MEI4: variants seen among roughly 807,000 people sequenced by gnomAD.
MEI4 encodes the protein meiosis-specific protein MEI4.
MEI4 carries 27 observed loss-of-function variants against 31.4 expected under a neutral mutation model. The ratio of observed to expected loss-of-function variants is 0.86; its 90% CI spans 0.63 to 1.19. The LOEUF (loss-of-function observed/expected upper bound fraction) is 1.19, where lower values mean the gene tolerates loss of function less well. Among genes scored for constraint, MEI4 ranks in the 50% most tolerant of loss-of-function variants. MEI4 has a pLI of 0.00. For missense variants in MEI4, 329 were observed against 398.9 expected (o/e 0.82, Z 1.49); for synonymous variants, 122 against 145.4 (o/e 0.84, Z 1.16).
intron 4 of MEI4, among the ~76,000 whole-genome samples, chr6:77,867,570 G>A (rs1000579561): frequency 1.3e-5 from 2 of 152,184 alleles, no homozygotes; most frequent in African/African-American, 4.8e-5. Flanking sequence ...GGAAACAACA[G>A]GTGCTGGAGA....
chr6:77,914,204 C>T (rs1456128086), intron 4 of MEI4, among the ~76,000 whole-genome samples: 1 of 151,494 alleles, frequency 6.6e-6, no homozygotes, highest in Non-Finnish European at 1.5e-5. Flanking sequence ...TGTTTGAAAT[C>T]TTTCTACCTT....
chr6:77,743,993 AG>A (rs1310710200), intron 2 of MEI4, among the ~76,000 whole-genome samples: 1 of 152,190 alleles, frequency 6.6e-6, no homozygotes, highest in Non-Finnish European at 1.5e-5. Flanking sequence ...AAAGACCAAA[AG>A]TAGATAAAAC....
At chr6:77,779,131 A>G (rs1768530519) in intron 3 of MEI4, among the ~76,000 whole-genome samples, 1 of 152,206 alleles carries the variant, frequency 6.6e-6, no homozygotes, top group Non-Finnish European at 1.5e-5. Flanking sequence ...TACTGAGCCC[A>G]GAGGAGTGCC....
At chr6:77,919,133 C>G (rs1766639199) in intron 4 of MEI4, among the ~76,000 whole-genome samples, 1 of 152,006 alleles carries the variant, frequency 6.6e-6, no homozygotes, top group Non-Finnish European at 1.5e-5. Context: ...GAACTCAGTT[C>G]TGCACCAAGC....
intron 3 of MEI4, among the ~76,000 whole-genome samples, chr6:77,803,423 T>C (rs1769331375): frequency 6.6e-6 from 1 of 152,180 alleles, no homozygotes. Flanking sequence ...TTGAACTTCC[T>C]CCTTTAGCTC....
chr6:77,700,283 C>T (rs1271461910), intron 2 of MEI4, among the ~76,000 whole-genome samples: 1 of 152,168 alleles, frequency 6.6e-6, no homozygotes, highest in Non-Finnish European at 1.5e-5. Flanking sequence ...CCTAATCAAG[C>T]CTGGGCAGTG....
intron 4 of MEI4, among the ~76,000 whole-genome samples, chr6:77,864,443 A>T (rs1297881742): frequency 6.6e-6 from 1 of 152,180 alleles, no homozygotes; most frequent in East Asian, 1.9e-4. Flanking sequence ...AGTCTCTGAT[A>T]AAACAGACTT....
intron 2 of MEI4, among the ~76,000 whole-genome samples, chr6:77,730,924 A>C (rs2127667313): frequency 6.6e-6 from 1 of 151,760 alleles, no homozygotes; most frequent in Admixed American, 6.6e-5. Context: ...GCTGATTTCC[A>C]ATTTCATCCA....
intron 4 of MEI4, among the ~76,000 whole-genome samples, chr6:77,861,376 G>A (rs1389110370): frequency 6.6e-6 from 1 of 152,182 alleles, no homozygotes; most frequent in Admixed American, 6.5e-5. Flanking sequence ...TCATTGAAAG[G>A]CTTTGTTTTT....
At chr6:77,684,781 A>G (rs1301097727) in intron 1 of MEI4, among the ~76,000 whole-genome samples, 1 of 152,136 alleles carries the variant, frequency 6.6e-6, no homozygotes, top group Non-Finnish European at 1.5e-5. Flanking sequence ...TTGTTTCCAA[A>G]TCTTAGTTAT....
intron 4 of MEI4, among the ~76,000 whole-genome samples, chr6:77,897,944 G>A (rs1364613374): frequency 1.3e-5 from 2 of 152,006 alleles, no homozygotes; most frequent in African/African-American, 4.8e-5. Flanking sequence ...GGGAGAGAGA[G>A]AGAATATAAC....
Position 77,833,331 on chromosome 6 carries a change from G to A in MEI4, c.900+4269G>A, listed in dbSNP as rs146996734. ...TGTTTAGTTATTCAAAAATCTGTGG[G>A]CAGAATATCTCTATAAAAAGCAATA... is the stretch of plus-strand genomic sequence containing the variant. On this transcript the variant is annotated intron_variant, in intron 4 of 4. Coordinates refer to ENST00000684080, the MANE Select transcript of MEI4 (RefSeq NM_001322247.2). 6.6e-5 allele frequency among the ~76,000 whole-genome samples: 10 copies of A among 152,082 alleles called. No individual in the cohort carries two copies. The East Asian group carries it at 1.9e-3, about 29-fold the overall frequency.
At chr6:77,920,176 G>T (rs1434648761) in intron 4 of MEI4, among the ~76,000 whole-genome samples, 1 of 151,414 alleles carries the variant, frequency 6.6e-6, no homozygotes, top group Non-Finnish European at 1.5e-5. Context: ...TGATACCAAA[G>T]CCTGGCAGAG....
chr6:77,849,213 G>A (rs889540691), intron 4 of MEI4, among the ~76,000 whole-genome samples: 2 of 152,150 alleles, frequency 1.3e-5, no homozygotes, highest in Admixed American at 6.5e-5. Context: ...AATATATTCA[G>A]ATTTATAAAT....
At chr6:77,703,800 G>A (rs1277516095) in intron 2 of MEI4, among the ~76,000 whole-genome samples, 1 of 152,122 alleles carries the variant, frequency 6.6e-6, no homozygotes, top group African/African-American at 2.4e-5. Flanking sequence ...AAATTGAAAA[G>A]GAAATTAGAT....
intron 1 of MEI4, among the ~76,000 whole-genome samples, chr6:77,663,556 T>C (rs992391735): frequency 2.6e-5 from 4 of 151,934 alleles, no homozygotes; most frequent in African/African-American, 9.7e-5. Flanking sequence ...GTGGGGATAA[T>C]TAAAAAGGAG....
intron 2 of MEI4, among the ~76,000 whole-genome samples, chr6:77,719,283 G>T (rs2127662960): frequency 7.3e-6 from 1 of 136,986 alleles, no homozygotes; most frequent in African/African-American, 2.8e-5. Flanking sequence ...TTGGGGCAAG[G>T]TTTCCCTTTA....
chr6:77,838,776 G>A lies in MEI4; in HGVS notation c.900+9714G>A, dbSNP rs561930529. Among the ~76,000 whole-genome samples, 3 of 151,914 alleles carry A rather than the reference G, an allele frequency of 2.0e-5. No homozygotes were observed. In the East Asian group the frequency reaches 5.9e-4, roughly 30 times the overall value. ...AAAATTAGCTGGGTGTGGTGGTGGT[G>A]CCTTTAATCTCAGCTACTCAGGAGG... is the stretch of plus-strand genomic sequence containing the variant. On this transcript the variant is annotated intron_variant, in intron 4 of 4. Coordinates refer to ENST00000684080, the MANE Select transcript of MEI4 (RefSeq NM_001322247.2).
chr6:77,728,263 G>T (rs1325395672), intron 2 of MEI4, among the ~76,000 whole-genome samples: 2 of 152,144 alleles, frequency 1.3e-5, no homozygotes, highest in Admixed American at 1.3e-4. Context: ...TATTACACTA[G>T]CTTAGTTCTA....
Sources: gnomAD v4.1 joint callset for allele counts (sites outside exome capture counted in the v4.1 genomes callset) on GRCh38, gnomAD v4.1.1 for gene constraint, MANE v1.5 for transcripts, NCBI Gene and HGNC (gene_info 2026-07-23, HGNC 2026-07-21) for gene names.